Variants in LUZP1 observed in about 807,000 individuals in gnomAD.
The protein encoded by LUZP1 is filamin mechanobinding actin cross-linking protein.
LUZP1 carries 25 observed loss-of-function variants against 71.3 expected under a neutral mutation model. That is an observed-to-expected ratio of 0.35 (90% CI 0.26 to 0.49). The LOEUF (loss-of-function observed/expected upper bound fraction) is 0.49. Among genes scored for constraint, LUZP1 ranks in the 20% least tolerant of loss-of-function variants. The pLI is 0.99. For synonymous variants in LUZP1, 481 were observed against 506.4 expected (o/e 0.95, Z 0.67); for missense variants, 1,142 against 1,300.8 (o/e 0.88, Z 1.88).
intron 2 of LUZP1, among the ~76,000 whole-genome samples, chr1:23,110,319 T>C (rs1243431635): frequency 1.3e-5 from 2 of 152,184 alleles, no homozygotes; most frequent in African/African-American, 2.4e-5. Context: ...TACCATCCCA[T>C]TGAATCTTAC....
intron 1 of LUZP1, among the ~76,000 whole-genome samples, chr1:23,170,355 T>C (rs1435324018): frequency 6.6e-6 from 1 of 152,110 alleles, no homozygotes; most frequent in East Asian, 1.9e-4. Flanking sequence ...TATAGTCTTG[T>C]GGTGTTTGTT....
chr1:23,091,526 G>A (rs1382646821), exon 4 of LUZP1: 2 of 1,614,182 alleles, frequency 1.2e-6, no homozygotes, highest in Non-Finnish European at 1.7e-6. Flanking sequence ...TGGCATCTGA[G>A]AAGCCCACTT....
chr1:23,097,779 TTCCAGTGAGCTATGACTGTGCCACTGTAC>T (rs1643900763), intron 3 of LUZP1, among the ~76,000 whole-genome samples: 1 of 152,082 alleles, frequency 6.6e-6, no homozygotes, highest in Non-Finnish European at 1.5e-5. Flanking sequence ...GAGTTTAAGG[TTCCAGTGAGCTATGACTGTGCCACTGTAC>T]TCCAGCCAGG....
At chr1:23,149,196 G>C (rs766526039) in intron 2 of LUZP1, among the ~76,000 whole-genome samples, 4 of 149,076 alleles carry the variant, frequency 2.7e-5, no homozygotes, top group Non-Finnish European at 4.4e-5. Context: ...GTCAAGACCA[G>C]AAGTGACCAA....
At chr1:23,137,101 A>G (rs1644260765) in intron 2 of LUZP1, among the ~76,000 whole-genome samples, 1 of 152,228 alleles carries the variant, frequency 6.6e-6, no homozygotes, top group Non-Finnish European at 1.5e-5. Flanking sequence ...GGCATGGGCA[A>G]TGAACTCTAG....
In LUZP1 at chr1:23,140,057, C is replaced by T. The variant is rs78263962; in HGVS notation, c.-226+28709G>A. On this transcript the variant is annotated intron_variant, in intron 2 of 4. Coordinates refer to ENST00000302291, the Ensembl canonical transcript of LUZP1. ...ACTCAGGCCTTGGAGAGAGTAAGGGCTGGGTGTATTTTCAAGTTGAGGGAC... is the reference window on the plus strand; with the variant it reads ...ACTCAGGCCTTGGAGAGAGTAAGGGTTGGGTGTATTTTCAAGTTGAGGGAC... 3.5e-3 allele frequency among the ~76,000 whole-genome samples: 538 copies of T among 152,120 alleles called. 4 individuals are homozygous for T. Among genetic ancestry groups the T allele is most frequent in the African/African-American group, 0.012 (487 of 41,482 alleles).
At chr1:23,169,464 T>TATTA (rs1443193315) in intron 1 of LUZP1, among the ~76,000 whole-genome samples, 3 of 152,244 alleles carry the variant, frequency 2.0e-5, no homozygotes, top group African/African-American at 4.8e-5. Flanking sequence ...ATCCTATTTC[T>TATTA]ATTACTCTGC....
At chr1:23,096,097 C>A (rs1643890488) in intron 3 of LUZP1, among the ~76,000 whole-genome samples, 2 of 144,268 alleles carry the variant, frequency 1.4e-5, no homozygotes, top group Non-Finnish European at 1.5e-5. Flanking sequence ...ACAATAAGTA[C>A]ATTCCAATGT....
intron 2 of LUZP1, among the ~76,000 whole-genome samples, chr1:23,161,232 T>C (rs1447178410): frequency 2.0e-5 from 3 of 152,132 alleles, no homozygotes; most frequent in South Asian, 2.1e-4. Flanking sequence ...ATAATAATCA[T>C]GCACGCAGAT....
chr1:23,101,649 C>T (rs1194960384), intron 3 of LUZP1, among the ~76,000 whole-genome samples: 1 of 152,128 alleles, frequency 6.6e-6, no homozygotes, highest in East Asian at 1.9e-4. Context: ...TAAGATCATC[C>T]CTTCTCCCCA....
intron 2 of LUZP1, among the ~76,000 whole-genome samples, chr1:23,118,129 T>C (rs1644100696): frequency 6.6e-6 from 1 of 151,026 alleles, no homozygotes; most frequent in African/African-American, 2.4e-5. Flanking sequence ...CAAACAGTCA[T>C]GGTGGCTTGC....
chr1:23,140,020 G>A (rs2124705329), intron 2 of LUZP1, among the ~76,000 whole-genome samples: 1 of 152,126 alleles, frequency 6.6e-6, no homozygotes, highest in Middle Eastern at 3.4e-3. Context: ...TTTTGGAGAA[G>A]TCAAAGGTTA....
chr1:23,177,961 A>G (rs569043748), upstream of LUZP1, among the ~76,000 whole-genome samples: 4 of 152,272 alleles, frequency 2.6e-5, no homozygotes, highest in South Asian at 8.3e-4. Context: ...CGGCCGGGGG[A>G]TGGGACCCAG....
intron 1 of LUZP1, among the ~76,000 whole-genome samples, chr1:23,171,142 A>T (rs1569724409): frequency 6.7e-6 from 1 of 148,568 alleles, no homozygotes; most frequent in Non-Finnish European, 1.5e-5. Context: ...TTATATATGT[A>T]TTTTTATATA....
Position 23,167,171 on chromosome 1 carries a change from A to T in LUZP1, c.-226+1595T>A, listed in dbSNP as rs571924093. Reference sequence around the variant, plus strand: ...GTTGCAAACAAGGTGACAGAAGGCAATCTGGAACACACCTTCCAGATTCCC... The same window carrying T: ...GTTGCAAACAAGGTGACAGAAGGCATTCTGGAACACACCTTCCAGATTCCC... On this transcript the variant is annotated intron_variant, in intron 2 of 4. Transcript: ENST00000302291. 1.5e-3 allele frequency among the ~76,000 whole-genome samples: 227 copies of T among 152,268 alleles called. 1 individual carries two copies. The highest frequency in any genetic ancestry group is 2.4e-3 in the Non-Finnish European group (163 of 68,020).
chr1:23,091,994 G>A (rs1314973060), exon 4 of LUZP1: 15 of 1,614,008 alleles, frequency 9.3e-6, no homozygotes, highest in Admixed American at 1.7e-5. Context: ...TAACAGGTTT[G>A]ATGATGGCTC....
chr1:23,142,395 T>C (rs1361507210), intron 2 of LUZP1, among the ~76,000 whole-genome samples: 3 of 152,184 alleles, frequency 2.0e-5, no homozygotes, highest in African/African-American at 7.2e-5. Flanking sequence ...ATTTCTCTTT[T>C]TGTAATGGTT....
chr1:23,148,852 C>T (rs531784231), intron 2 of LUZP1, among the ~76,000 whole-genome samples: 24 of 151,244 alleles, frequency 1.6e-4, no homozygotes, highest in Non-Finnish European at 2.5e-4. Context: ...TGGGAAGCCA[C>T]GGTGAGAAGA....
At chr1:23,154,893 C>T (rs909695298) in intron 2 of LUZP1, among the ~76,000 whole-genome samples, 2 of 152,110 alleles carry the variant, frequency 1.3e-5, no homozygotes, top group Admixed American at 6.5e-5. Flanking sequence ...ATTCTCCCTG[C>T]TCCATTAACT....
Sources: allele counts gnomAD v4.1 joint callset (sites outside exome capture counted in the v4.1 genomes callset), GRCh38; gene constraint gnomAD v4.1.1; transcripts MANE v1.5; gene names NCBI Gene and HGNC (gene_info 2026-07-23, HGNC 2026-07-21).